GKAP1: variants seen among roughly 807,000 people sequenced by gnomAD.
The protein encoded by GKAP1 is G kinase-anchoring protein 1.
GKAP1 carries 31 observed loss-of-function variants against 56.7 expected under a neutral mutation model. That is an observed-to-expected ratio of 0.55 (90% confidence interval 0.41 to 0.74). GKAP1 has a LOEUF of 0.74. Ranked by LOEUF, GKAP1 falls within the 30% of genes least tolerant of loss-of-function variation. The pLI is 0.00. For missense variants in GKAP1, 364 were observed against 402.3 expected (o/e 0.90, Z 0.82); for synonymous variants, 151 against 138.6 (o/e 1.09, Z -0.63).
intron 3 of GKAP1, among the ~76,000 whole-genome samples, chr9:83,802,122 T>C (rs911269844): frequency 2.0e-5 from 3 of 152,190 alleles, no homozygotes; most frequent in African/African-American, 7.2e-5. Flanking sequence ...TATTAAATGT[T>C]GGGCATTTAA....
At chr9:83,813,220 A>G (rs1944536235) in intron 2 of GKAP1, among the ~76,000 whole-genome samples, 1 of 152,214 alleles carries the variant, frequency 6.6e-6, no homozygotes, top group South Asian at 2.1e-4. Flanking sequence ...TTTAAAATTT[A>G]GATGCTTCTA....
intron 12 of GKAP1, among the ~76,000 whole-genome samples, chr9:83,741,358 T>TCACACACA (rs777468995): frequency 5.4e-4 from 80 of 147,704 alleles, no homozygotes; most frequent in African/African-American, 2.0e-3. Context: ...TAAATATATC[T>TCACACACA]CTCACACACA....
chr9:83,745,969 T>G (rs982365286), intron 10 of GKAP1, among the ~76,000 whole-genome samples: 1 of 152,004 alleles, frequency 6.6e-6, no homozygotes, highest in Admixed American at 6.6e-5. Flanking sequence ...TTTTGTATTT[T>G]TAGTAGAGAT....
chr9:83,782,411 T>G (rs1587720249), intron 6 of GKAP1, among the ~76,000 whole-genome samples: 1 of 151,142 alleles, frequency 6.6e-6, no homozygotes, highest in African/African-American at 2.4e-5. Context: ...CAGGCTGGAG[T>G]GCAATGGCGC....
intron 10 of GKAP1, among the ~76,000 whole-genome samples, chr9:83,745,784 T>C (rs1415664475): frequency 6.6e-6 from 1 of 151,862 alleles, no homozygotes; most frequent in East Asian, 1.9e-4. Flanking sequence ...CCAAATAATA[T>C]TTTTCCCCGT....
chr9:83,779,612 T>TACACAC (rs10546262), intron 7 of GKAP1, among the ~76,000 whole-genome samples: 2 of 127,382 alleles, frequency 1.6e-5, no homozygotes, highest in South Asian at 2.5e-4. Context: ...TATACACATA[T>TACACAC]ACACACACAC....
At chr9:83,748,229 G>C in intron 10 of GKAP1, 80 bp downstream of exon 10, 1 of 909,614 alleles carries the variant, frequency 1.1e-6, no homozygotes, top group Non-Finnish European at 1.7e-6. Context: ...TGTTGAGTTG[G>C]TAAATCACAC....
chr9:83,762,252 C>G (rs1487941967), intron 8 of GKAP1, among the ~76,000 whole-genome samples: 1 of 151,802 alleles, frequency 6.6e-6, no homozygotes, highest in Admixed American at 6.6e-5. Flanking sequence ...TTTCTATAGG[C>G]CAACAGAGAA....
chr9:83,779,906 GCTACA>G (rs1256637392), intron 7 of GKAP1, among the ~76,000 whole-genome samples: 1 of 151,718 alleles, frequency 6.6e-6, no homozygotes, highest in East Asian at 1.9e-4. Context: ...GGAAGTGTAG[GCTACA>G]CTAACAGTGA....
intron 6 of GKAP1, among the ~76,000 whole-genome samples, chr9:83,784,180 T>C (rs1944024750): frequency 6.6e-6 from 1 of 151,730 alleles, no homozygotes; most frequent in South Asian, 2.1e-4. Context: ...GGCATAAGAA[T>C]TGCTTGAGTC....
chr9:83,773,899 T>C (rs2131274932), intron 7 of GKAP1, among the ~76,000 whole-genome samples: 1 of 152,320 alleles, frequency 6.6e-6, no homozygotes, highest in East Asian at 1.9e-4. Flanking sequence ...TATAAAAAAT[T>C]GTCCAATTTA....
At chr9:83,757,966 C>T (rs910946953) in intron 8 of GKAP1, among the ~76,000 whole-genome samples, 3 of 152,030 alleles carry the variant, frequency 2.0e-5, no homozygotes, top group African/African-American at 7.2e-5. Context: ...GGTTTGAACA[C>T]AGTGAGACTA....
chr9:83,776,611 G>T (rs1420475818), intron 7 of GKAP1, among the ~76,000 whole-genome samples: 1 of 152,106 alleles, frequency 6.6e-6, no homozygotes, highest in East Asian at 1.9e-4. Context: ...CACGAGAATC[G>T]CTTGAACCCT....
intron 2 of GKAP1, among the ~76,000 whole-genome samples, chr9:83,808,480 C>T (rs1944467693): frequency 6.6e-6 from 1 of 151,996 alleles, no homozygotes; most frequent in South Asian, 2.1e-4. Context: ...GCCTGTAATC[C>T]CAGCTACTCC....
At chr9:83,815,958 T>C (rs295270) in intron 2 of GKAP1, among the ~76,000 whole-genome samples, 101,188 of 149,156 alleles carry the variant, frequency 0.68, 34,900 homozygotes, top group African/African-American at 0.8. Context: ...GAGGCAGAGG[T>C]GGGCAGATCA....
At chr9:83,780,452 A>C in intron 6 of GKAP1, 48 bp from the exon 7 acceptor site, 1 of 900,170 alleles carries the variant, frequency 1.1e-6, no homozygotes, top group Non-Finnish European at 1.7e-6. Flanking sequence ...AAGGAATTTA[A>C]CATACAAAAA....
chr9:83,775,665 C>T (rs1943846247), intron 7 of GKAP1, among the ~76,000 whole-genome samples: 1 of 151,728 alleles, frequency 6.6e-6, no homozygotes, highest in Non-Finnish European at 1.5e-5. Context: ...CACTTGAGGC[C>T]AGGAGTTTGA....
chr9:83,783,475 T>A (rs1944012056), intron 6 of GKAP1, among the ~76,000 whole-genome samples: 1 of 152,268 alleles, frequency 6.6e-6, no homozygotes, highest in Non-Finnish European at 1.5e-5. Context: ...TACCATACTG[T>A]ACAGCACAGG....
At chr9:83,811,633 A>G (rs539444146) in intron 2 of GKAP1, among the ~76,000 whole-genome samples, 1 of 152,296 alleles carries the variant, frequency 6.6e-6, no homozygotes, top group South Asian at 2.1e-4. Context: ...AACATGTCTG[A>G]AAGGGTACTT....
Sources: allele counts gnomAD v4.1 joint callset (sites outside exome capture counted in the v4.1 genomes callset), GRCh38; gene constraint gnomAD v4.1.1; transcripts MANE v1.5; gene names NCBI Gene and HGNC (gene_info 2026-07-23, HGNC 2026-07-21).